The following TRPM7 variants were observed in gnomAD, a reference collection of about 807,000 sequenced individuals.
TRPM7 encodes transient receptor potential cation channel subfamily M member 7.
A neutral mutation model predicts 229.7 loss-of-function variants in TRPM7; 134 were observed. The ratio of observed to expected loss-of-function variants is 0.58; its 90% CI spans 0.51 to 0.67. TRPM7 has a LOEUF of 0.67. Among genes scored for constraint, TRPM7 ranks in the 30% least tolerant of loss-of-function variants. The probability of loss-of-function intolerance (pLI) is 0.00; values close to 1 mark genes in which losing one functional copy is unlikely to be tolerated. For missense variants in TRPM7, 1,901 were observed against 2,210.0 expected (o/e 0.86, Z 2.80); for synonymous variants, 699 against 715.2 (o/e 0.98, Z 0.36).
At chr15:50,589,683 T>C (rs750174756) in intron 26 of TRPM7, 27 bp from the exon 27 acceptor site, 2 of 1,496,052 alleles carry the variant, frequency 1.3e-6, no homozygotes, top group East Asian at 4.6e-5. Flanking sequence ...GATGTTGCAA[T>C]GAGAAATTTT....
chr15:50,596,353 T>A lies in TRPM7; in HGVS notation c.3192A>T (p.Gln1064His), dbSNP rs2059632640. The A allele has an allele frequency of 1.9e-6, 3 of 1,605,242 alleles. No individual in the cohort carries two copies. The highest frequency in any genetic ancestry group is 3.5e-5 in the Admixed American group (2 of 57,378). Reference sequence around the variant, plus strand: ...TCAACCACGTCCCAGGACCACAGATTTGAGGGATAACAGAATCATTTGCAC... The same window carrying A: ...TCAACCACGTCCCAGGACCACAGATATGAGGGATAACAGAATCATTTGCAC... The part of the protein sequence containing the change: ...DVCANDSVIP[Q>H]ICGPGTWLTP... The change falls in exon 23 of 39, where the codon CAA becomes CAT. Residue 1064 changes from glutamine to histidine, a missense_variant. By Grantham distance (24) the Gln-to-His change is conservative. Around this residue, in one of 8 missense-constraint regions of TRPM7, gnomAD observed 89 missense variants for 178.2 expected, o/e 0.50. Coordinates refer to ENST00000646667, the MANE Select transcript of TRPM7 (RefSeq NM_017672.6).
intron 3 of TRPM7, among the ~76,000 whole-genome samples, chr15:50,649,570 A>G (rs188486313): frequency 2.0e-5 from 3 of 152,332 alleles, no homozygotes; most frequent in African/African-American, 7.2e-5. Flanking sequence ...CTAGACACCA[A>G]TGATTATATA....
At chr15:50,597,366 G>A (rs988682150) in intron 22 of TRPM7, among the ~76,000 whole-genome samples, 6 of 152,198 alleles carry the variant, frequency 3.9e-5, no homozygotes, top group Admixed American at 1.3e-4. Flanking sequence ...AGTACACTTA[G>A]CATTTAGTAT....
In TRPM7 at chr15:50,568,392, C is replaced by T. The variant is rs866124448; in HGVS notation, c.5467+1495G>A. Among the ~76,000 whole-genome samples, 4 of 151,196 alleles carry T rather than the reference C, an allele frequency of 2.6e-5. No individual in the cohort carries two copies. In the South Asian group the frequency reaches 8.3e-4, roughly 31 times the overall value. Reference sequence around the variant, plus strand: ...AAAAAAAATCCTGAGAAGTCTATTACAAAAAGCTCCTAAAAAAGAGTTAAG... The same window carrying T: ...AAAAAAAATCCTGAGAAGTCTATTATAAAAAGCTCCTAAAAAAGAGTTAAG... On this transcript the variant is annotated intron_variant, in intron 38 of 38. Transcript: ENST00000646667.
chr15:50,561,882 G>T, intron 38 of TRPM7, 74 bp from the exon 39 acceptor site: 1 of 1,352,458 alleles, frequency 7.4e-7, no homozygotes, highest in South Asian at 1.6e-5. Context: ...TCTTAGAAAT[G>T]GAGAATTAGG....
Position 50,583,105 on chromosome 15 carries a change from T to G in TRPM7, c.4541A>C (p.Lys1514Thr). The change falls in exon 29 of 39, where the codon AAA (lysine) becomes ACA (threonine). Residue 1514 changes from lysine to threonine, a missense_variant. Physicochemically the swap from Lys to Thr is moderately conservative, Grantham distance 78. Around this residue, in one of 8 missense-constraint regions of TRPM7, gnomAD observed 533 missense variants for 497.1 expected, o/e 1.07. Coordinates refer to ENST00000646667, the MANE Select transcript of TRPM7 (RefSeq NM_017672.6). ...STEDTHEVDS[K>T]AALIPDWLQD... The stretch of plus-strand genomic sequence containing the variant: ...TCTACAAACCGGTATTAAAGCTGCT[T>G]TGGAATCTACTTCATGAGTGTCTTC... 6 of 1,606,346 alleles carry G rather than the reference T, an allele frequency of 3.7e-6. No individual in the cohort carries two copies. The highest frequency in any genetic ancestry group is 5.1e-6 in the Non-Finnish European group (6 of 1,177,240).
chr15:50,584,082 T>C (rs2054564444), intron 28 of TRPM7, among the ~76,000 whole-genome samples: 1 of 152,192 alleles, frequency 6.6e-6, no homozygotes, highest in Non-Finnish European at 1.5e-5. Context: ...TCATATCTTA[T>C]TTATCCGAAA....
In TRPM7 at chr15:50,637,524, G is replaced by A. The variant is rs771199984; in HGVS notation, c.730C>T (p.His244Tyr). ...GTGCCATCATCCACCAATATGAAAT[G>A]GGAATGCAGATTATTCAAAACATTC... is the stretch of plus-strand genomic sequence containing the variant. Reference protein sequence around the residue: ...KLNVLNNLHSHFILVDDGTVG... With the variant: ...KLNVLNNLHSYFILVDDGTVG... The change falls in exon 7 of 39, where the codon CAT becomes TAT. Residue 244 changes from histidine (H) to tyrosine (Y), a missense_variant. By Grantham distance (83) the His-to-Tyr change is moderately conservative. Transcript: ENST00000646667. The A allele has an allele frequency of 6.2e-7, 1 of 1,614,052 alleles. No individual in the cohort carries two copies. The highest frequency in any genetic ancestry group is 8.5e-7 in the Non-Finnish European group (1 of 1,180,004).
chr15:50,614,772 G>T (rs983957236), intron 13 of TRPM7, among the ~76,000 whole-genome samples: 7 of 151,938 alleles, frequency 4.6e-5, no homozygotes, highest in African/African-American at 1.5e-4. Flanking sequence ...AAAAATATGG[G>T]ATTCTAAAGT....
chr15:50,670,203 T>C (rs2061959073), intron 1 of TRPM7, among the ~76,000 whole-genome samples: 1 of 152,130 alleles, frequency 6.6e-6, no homozygotes, highest in South Asian at 2.1e-4. Context: ...TTCATCCCTC[T>C]ACAACCCTTA....
At chr15:50,657,843 A>G (rs1327607726) in intron 2 of TRPM7, 24 bp from the exon 3 acceptor site, 4 of 1,598,874 alleles carry the variant, frequency 2.5e-6, no homozygotes, top group Non-Finnish European at 3.4e-6. Context: ...AAAGGTAAAT[A>G]AATTATTTCA....
intron 4 of TRPM7, among the ~76,000 whole-genome samples, chr15:50,647,666 A>C (rs2061308849): frequency 6.6e-6 from 1 of 151,944 alleles, no homozygotes; most frequent in South Asian, 2.1e-4. Flanking sequence ...AACTGCTTGA[A>C]CCCAGGAGGC....
chr15:50,678,877 A>C (rs978414899), intron 1 of TRPM7, among the ~76,000 whole-genome samples: 1 of 152,094 alleles, frequency 6.6e-6, no homozygotes, highest in Non-Finnish European at 1.5e-5. Flanking sequence ...CAAAAACAAA[A>C]AAAAAAATTT....
intron 25 of TRPM7, 142 bp from the exon 26 acceptor site, chr15:50,592,768 T>A (rs2059538595): frequency 1.6e-6 from 1 of 614,646 alleles, no homozygotes; most frequent in Non-Finnish European, 2.8e-6. Flanking sequence ...AGTTATTTAA[T>A]TATACAAGGC....
At chr15:50,652,152 G>A (rs1271803144) in intron 3 of TRPM7, among the ~76,000 whole-genome samples, 1 of 151,084 alleles carries the variant, frequency 6.6e-6, no homozygotes, top group African/African-American at 2.4e-5. Flanking sequence ...GGCCAACATG[G>A]TGAAATCCTG....
intron 5 of TRPM7, among the ~76,000 whole-genome samples, chr15:50,641,351 T>G (rs1302555116): frequency 1.3e-5 from 2 of 152,202 alleles, no homozygotes; most frequent in South Asian, 2.1e-4. Flanking sequence ...CAAGCTATAT[T>G]AGACTGTTCT....
At chr15:50,605,973 C>G (rs2140440649) in intron 20 of TRPM7, among the ~76,000 whole-genome samples, 1 of 152,136 alleles carries the variant, frequency 6.6e-6, no homozygotes, top group Non-Finnish European at 1.5e-5. Flanking sequence ...CTTATGATAT[C>G]TAAGTGAGAG....
At chr15:50,583,724 G>A (rs1266317593) in intron 28 of TRPM7, among the ~76,000 whole-genome samples, 2 of 151,990 alleles carry the variant, frequency 1.3e-5, no homozygotes, top group Admixed American at 1.3e-4. Context: ...TTACAGGCAT[G>A]TGCCACCATG....
At chr15:50,653,935 C>A (rs1479175505) in intron 3 of TRPM7, among the ~76,000 whole-genome samples, 2 of 152,018 alleles carry the variant, frequency 1.3e-5, no homozygotes, top group Non-Finnish European at 2.9e-5. Context: ...CATCACTGAA[C>A]CCCCTGAACA....
Sources: gnomAD v4.1 joint callset for allele counts (sites outside exome capture counted in the v4.1 genomes callset) on GRCh38, gnomAD v4.1.1 for gene constraint, gnomAD v4.1.1 regional missense constraint, MANE v1.5 for transcripts, NCBI Gene and HGNC (gene_info 2026-07-23, HGNC 2026-07-21) for gene names.